The following UNC80 variants were observed in gnomAD, a reference collection of about 807,000 sequenced individuals.
The protein encoded by UNC80 is protein unc-80 homolog.
Under a neutral mutation model 384.6 loss-of-function variants are expected in UNC80, and 164 were observed. That is an observed-to-expected ratio of 0.43 (90% CI 0.38 to 0.49). The LOEUF is 0.49. UNC80 is among the 20% of genes least tolerant of loss of function. The pLI is 0.00. For missense variants in UNC80, 3,330 were observed against 4,143.0 expected, an observed-to-expected ratio of 0.80 and a Z score of 5.39; for synonymous variants, 1,486 against 1,527.8, an observed-to-expected ratio of 0.97 and a Z score of 0.64.
intron 40 of UNC80, 99 bp from the exon 41 acceptor site, chr2:209,936,745 G>A: frequency 1.1e-5 from 8 of 738,474 alleles, no homozygotes; most frequent in South Asian, 8.5e-5. Context: ...CTCGTAAGAG[G>A]TTACCTTGTT....
In UNC80 at chr2:209,839,388, T is replaced by C. The variant is rs1419699553; in HGVS notation, c.3208T>C (p.Ser1070Pro). Residue 1070 changes from serine (S) to proline (P), a missense_variant, in exon 19 of 65, where the codon TCC becomes CCC. Around this residue, in one of 8 missense-constraint regions of UNC80, gnomAD observed 801 missense variants for 950.8 expected, o/e 0.84. Coordinates refer to ENST00000673920, the MANE Select transcript of UNC80 (RefSeq NM_001371986.1). The surrounding 1 kb of genome is among the most constrained non-coding windows in gnomAD (Gnocchi z 4.1). The stretch of plus-strand genomic sequence containing the variant: ...CTCTGACCGACGTGCCCGCTCACGA[T>C]CCCGCAGAATTTCCCTCCGAAAGAA... ...TTSDRRARSRSRRISLRKKLK... is the reference protein window; with the variant it reads ...TTSDRRARSRPRRISLRKKLK... The C allele has an allele frequency of 1.3e-6, 2 of 1,552,006 alleles. No individual in the cohort carries two copies. The highest frequency in any genetic ancestry group is 4.9e-5 in the East Asian group (2 of 40,904).
intron 22 of UNC80, among the ~76,000 whole-genome samples, chr2:209,864,640 G>A (rs984074993): frequency 6.6e-6 from 1 of 152,188 alleles, no homozygotes. Context: ...CACTCTGGCC[G>A]CAGACTGCCA....
intron 46 of UNC80, among the ~76,000 whole-genome samples, chr2:209,945,393 A>G (rs1204844366): frequency 6.6e-6 from 1 of 152,192 alleles, no homozygotes; most frequent in Non-Finnish European, 1.5e-5. Context: ...AGAGTAAGGA[A>G]TTCTCTGCCA....
chr2:209,786,745 C>G (rs1268992379), intron 5 of UNC80, among the ~76,000 whole-genome samples: 3 of 152,020 alleles, frequency 2.0e-5, no homozygotes, highest in Non-Finnish European at 4.4e-5. Flanking sequence ...TCCAAGTCTC[C>G]AAATCTATCT....
chr2:209,955,692 A>AATATATATAT (rs57804600), intron 48 of UNC80, among the ~76,000 whole-genome samples: 49 of 51,564 alleles, frequency 9.5e-4, no homozygotes, highest in Non-Finnish European at 1.4e-3. Flanking sequence ...CTGTATTTCT[A>AATATATATAT]ATATATATAT....
intron 40 of UNC80, 118 bp downstream of exon 40, chr2:209,935,926 T>A (rs2091212927): frequency 1.6e-6 from 1 of 616,520 alleles, no homozygotes; most frequent in Non-Finnish European, 2.8e-6. Flanking sequence ...ATGCATTTCT[T>A]TACTCTTCTA....
rs1378805006 is a variant in UNC80, at chr2:209,771,885, C to A, written c.-188C>A. ...GGCTCCTCCAGCCCTCCCCTCCTCC[C>A]GCAGCCATGTTCCACGCGCGGGGAG... On this transcript the variant is annotated 5_prime_UTR_variant, in exon 1 of 65. Transcript: ENST00000673920. The A allele has an allele frequency of 5.1e-6, 3 of 591,230 alleles. No homozygotes were observed. Among genetic ancestry groups the A allele is most frequent in the Middle Eastern group, 4.6e-4 (1 of 2,166 alleles). 36.6% of individuals were successfully genotyped at this position (591,230 alleles called of 1,614,324 possible).
At chr2:209,821,136 AGGTTTAGTTTTATTCTGAAGCCTCTTCT>A (rs747392115) in intron 13 of UNC80, among the ~76,000 whole-genome samples, 10,310 of 152,158 alleles carry the variant, frequency 0.068, 819 homozygotes, top group East Asian at 0.23. Flanking sequence ...AAGTGCTGTC[AGGTTTAGTTTTATTCTGAAGCCTCTTCT>A]CTTGCCTTGT....
At chr2:209,823,290 G>A (rs1476096844) in intron 13 of UNC80, among the ~76,000 whole-genome samples, 1 of 152,160 alleles carries the variant, frequency 6.6e-6, no homozygotes, top group African/African-American at 2.4e-5. Flanking sequence ...ATAAAAACCT[G>A]AATAGATATT....
chr2:209,874,636 C>T (rs1158868901), intron 23 of UNC80, among the ~76,000 whole-genome samples: 1 of 152,164 alleles, frequency 6.6e-6, no homozygotes, highest in Non-Finnish European at 1.5e-5. Context: ...GGTCCTCTGT[C>T]TCCTCCCTCG....
Position 209,888,077 on chromosome 2 carries a change from TC to T in UNC80, c.4111-16del. ...TGGGGAGATGCCAGCACTCATGTGC[TC>T]CTCACTGGCATTTTAGGACTTGGAG... On this transcript the variant is annotated splice_polypyrimidine_tract_variant and intron_variant, in intron 25 of 64. Transcript: ENST00000673920. 4 of 1,551,588 alleles carry T rather than the reference TC, an allele frequency of 2.6e-6. No individual in the cohort carries two copies. Among genetic ancestry groups the T allele is most frequent in the Non-Finnish European group, 3.5e-6 (4 of 1,146,938 alleles).
intron 30 of UNC80, 79 bp from the exon 31 acceptor site, chr2:209,913,723 C>G: frequency 7.2e-7 from 1 of 1,398,228 alleles, no homozygotes; most frequent in Non-Finnish European, 9.5e-7. Context: ...AGAGAGGGGA[C>G]GTGGCTTTTA....
chr2:209,929,412 A>T (rs1380990028), intron 36 of UNC80, among the ~76,000 whole-genome samples: 1 of 152,180 alleles, frequency 6.6e-6, no homozygotes, highest in African/African-American at 2.4e-5. Flanking sequence ...TTGCTGAAGG[A>T]GATACTGTTT....
At chr2:209,884,258 C>T (rs979717945) in intron 25 of UNC80, among the ~76,000 whole-genome samples, 2 of 152,102 alleles carry the variant, frequency 1.3e-5, no homozygotes, top group Non-Finnish European at 2.9e-5. Flanking sequence ...TGAGACCAAT[C>T]GATGATGACT....
chr2:209,816,988 T>C lies in UNC80; in HGVS notation c.1415T>C (p.Met472Thr). The C allele has an allele frequency of 6.4e-7, 1 of 1,551,634 alleles. No homozygotes were observed. The highest frequency in any genetic ancestry group is 2.0e-5 in the Admixed American group (1 of 50,996). Reference sequence around the variant, plus strand: ...ACAGGCAAGAGGAGGCCACGGAGAATGGGAGTGCCCTTCCTGCTTCACGAG... The same window carrying C: ...ACAGGCAAGAGGAGGCCACGGAGAACGGGAGTGCCCTTCCTGCTTCACGAG... ...HHTGKRRPRR[M>T]GVPFLLHEDH... is the part of the protein sequence containing the mutation. Residue 472 changes from methionine to threonine, a missense_variant, in exon 10 of 65, where the codon ATG becomes ACG. Around this residue, in one of 8 missense-constraint regions of UNC80, gnomAD observed 937 missense variants for 1,026.8 expected, o/e 0.91. Coordinates refer to ENST00000673920, the MANE Select transcript of UNC80 (RefSeq NM_001371986.1).
chr2:209,818,898 G>A, intron 11 of UNC80, 95 bp from the exon 12 acceptor site: 2 of 1,370,576 alleles, frequency 1.5e-6, no homozygotes, highest in South Asian at 1.5e-5. Flanking sequence ...AACTACAGCT[G>A]TTATTGTGGT....
At chr2:209,868,604 A>G (rs1186461455) in intron 22 of UNC80, among the ~76,000 whole-genome samples, 4 of 152,140 alleles carry the variant, frequency 2.6e-5, no homozygotes, top group African/African-American at 9.7e-5. Context: ...GATCTTATAA[A>G]ATTCAAGGAA....
chr2:209,793,044 C>T (rs896922047), intron 6 of UNC80, among the ~76,000 whole-genome samples: 8 of 152,248 alleles, frequency 5.3e-5, no homozygotes, highest in South Asian at 2.1e-4. Context: ...AAATTAAAAT[C>T]GTAAGGGCTA....
chr2:209,785,636 A>G lies in UNC80; in HGVS notation c.601-430A>G, dbSNP rs151211276. On this transcript the variant is annotated intron_variant, in intron 4 of 64. Transcript: ENST00000673920. ...TAAGAAAAAAGATGGACTGGACAAT[A>G]GAATGTCAAAATAGCCAGTATCTGA... Among the ~76,000 whole-genome samples, 617 of 152,326 alleles carry G rather than the reference A, an allele frequency of 4.1e-3. 5 individuals carry two copies. The highest frequency in any genetic ancestry group is 7.1e-3 in the Non-Finnish European group (481 of 68,026).
Sources: allele counts gnomAD v4.1 joint callset (sites outside exome capture counted in the v4.1 genomes callset), GRCh38; gene constraint gnomAD v4.1.1; regional missense constraint gnomAD v4.1.1; non-coding constraint Gnocchi (gnomAD v3.1); transcripts MANE v1.5; gene names NCBI Gene and HGNC (gene_info 2026-07-23, HGNC 2026-07-21).